METTL13: variants seen among roughly 807,000 people sequenced by gnomAD.
METTL13 encodes the protein methyltransferase 13, eEF1A N-terminus and K55.
Under a neutral mutation model 67.4 loss-of-function variants are expected in METTL13, and 52 were observed. That is an observed-to-expected ratio of 0.77 (90% CI 0.62 to 0.97). The LOEUF (loss-of-function observed/expected upper bound fraction) is 0.97. Ranked by LOEUF, METTL13 falls within the 50% of genes least tolerant of loss-of-function variation. The pLI is 0.00. For missense variants in METTL13, 825 were observed against 889.6 expected (o/e 0.93, Z 0.92); for synonymous variants, 354 against 353.6 (o/e 1.00, Z -0.01).
chr1:171,793,452 G>A (rs1167778363), intron 6 of METTL13, among the ~76,000 whole-genome samples: 1 of 152,162 alleles, frequency 6.6e-6, no homozygotes, highest in Non-Finnish European at 1.5e-5. Context: ...ATTACTGGAG[G>A]GCTCAAGGCT....
intron 2 of METTL13, among the ~76,000 whole-genome samples, chr1:171,785,026 C>T (rs1656965185): frequency 6.6e-6 from 1 of 152,202 alleles, no homozygotes; most frequent in Non-Finnish European, 1.5e-5. Context: ...AGTTTTGGCT[C>T]AGTCATTTCC....
chr1:171,786,677 A>G (rs999228514), intron 3 of METTL13, among the ~76,000 whole-genome samples: 21 of 151,874 alleles, frequency 1.4e-4, no homozygotes, highest in Non-Finnish European at 4.4e-5. Context: ...CTTTTTTGAG[A>G]TAGGGTCTTG....
At position 171,787,811 on chromosome 1, in the gene METTL13, A is replaced by C. The variant is rs1025726967; in HGVS notation, c.1190A>C (p.Asp397Ala). The change falls in exon 4 of 8, where the codon GAC (aspartate) becomes GCC (alanine). Residue 397 changes from aspartate (D) to alanine (A), a missense_variant. Asp to Ala is a moderately radical substitution (Grantham distance 126). Coordinates refer to ENST00000361735, the MANE Select transcript of METTL13 (RefSeq NM_015935.5). ...QHQDCSPLSG[D>A]YVIEDVQGDD... Reference sequence around the variant, plus strand: ...CAAGACTGCAGCCCCTTGAGCGGTGACTATGTCATTGAGGATGTGCAAGGG... The same window carrying C: ...CAAGACTGCAGCCCCTTGAGCGGTGCCTATGTCATTGAGGATGTGCAAGGG... 1 of 1,614,122 alleles carries C rather than the reference A, an allele frequency of 6.2e-7. No homozygotes were observed. The highest frequency in any genetic ancestry group is 8.5e-7 in the Non-Finnish European group (1 of 1,180,018).
At position 171,786,092 on chromosome 1, in the gene METTL13, C is replaced by T. The variant is rs200837288; in HGVS notation, c.1113+14C>T. 201 of 1,606,866 alleles carry T rather than the reference C, an allele frequency of 1.3e-4. No individual in the cohort carries two copies. In the African/African-American group the frequency reaches 1.3e-3, roughly 10 times the overall value. ...ACCCAGCAGCAGGTAACAAAGCTTT[C>T]GTACGGCTTTCATGGGTCTCTGAAG... On this transcript the variant is annotated intron_variant, in intron 3 of 7. Transcript: ENST00000361735.
rs78779259 is a variant in METTL13 at position 171,790,487 on chromosome 1, C to G, written c.1345C>G (p.Arg449Gly). The G allele has an allele frequency of 4.3e-5, 69 of 1,607,576 alleles. No individual in the cohort carries two copies. Among genetic ancestry groups the G allele is most frequent in the Non-Finnish European group, 5.5e-5 (65 of 1,177,882 alleles). The change falls in exon 5 of 8, where the codon CGG becomes GGG. Residue 449 changes from arginine (R) to glycine (G), a missense_variant. Arg to Gly is a moderately radical substitution (Grantham distance 125). Transcript: ENST00000361735. ...KKRKKDRKKQ[R>G]PADAEDLPAA... ...GCGGAAAAAGGACAGGAAGAAGCAG[C>G]GGCCTGCTGATGCGGAGGACCTCCC...
intron 4 of METTL13, among the ~76,000 whole-genome samples, chr1:171,789,725 A>AC (rs1000436076): frequency 6.6e-6 from 1 of 151,984 alleles, no homozygotes; most frequent in African/African-American, 2.4e-5. Flanking sequence ...GACGGGAGGT[A>AC]CCAGGGCTCC....
chr1:171,793,158 T>G (rs1051316646), intron 6 of METTL13, among the ~76,000 whole-genome samples: 4 of 152,174 alleles, frequency 2.6e-5, no homozygotes, highest in African/African-American at 9.7e-5. Flanking sequence ...GATTAGAATA[T>G]TTTCCAGTAA....
At position 171,792,221 on chromosome 1, in the gene METTL13, CAGG is replaced by C. The variant is rs753412360; in HGVS notation, c.1688_1690del (p.Gly563del). 49 of 1,614,146 alleles carry C rather than the reference CAGG, an allele frequency of 3.0e-5. No individual in the cohort carries two copies. Among genetic ancestry groups the C allele is most frequent in the Non-Finnish European group, 3.8e-5 (45 of 1,180,014 alleles). On this transcript the variant is annotated inframe_deletion, in exon 6 of 8. Coordinates refer to ENST00000361735, the MANE Select transcript of METTL13 (RefSeq NM_015935.5). ...GGCCTGGACTATATCGCCAGCTTGG[CAGG>C]AGGAGGAGAAGGTACTGCTCTTGGA...
chr1:171,787,626 T>A, intron 3 of METTL13, 109 bp from the exon 4 acceptor site: 1 of 992,480 alleles, frequency 1.0e-6, no homozygotes, highest in Non-Finnish European at 1.5e-6. Context: ...GTAGTTGTTG[T>A]CTAGAACCGT....
intron 5 of METTL13, 31 bp downstream of exon 5, chr1:171,790,647 G>T: frequency 6.8e-7 from 1 of 1,480,828 alleles, no homozygotes; most frequent in Middle Eastern, 1.8e-4. Context: ...TTCCACAGAA[G>T]GGAGCATAAA....
intron 4 of METTL13, among the ~76,000 whole-genome samples, chr1:171,789,707 A>G (rs1657138145): frequency 6.6e-6 from 1 of 152,148 alleles, no homozygotes; most frequent in African/African-American, 2.4e-5. Flanking sequence ...GTGGCCTTAC[A>G]TTTCTTAGAC....
At position 171,796,623 on chromosome 1, in the gene METTL13, C is replaced by A; in HGVS notation, c.1967C>A (p.Pro656His). The change falls in exon 8 of 8, where the codon CCT (proline) becomes CAT (histidine). Residue 656 changes from proline (P) to histidine (H), a missense_variant. Pro to His is a moderately conservative substitution (Grantham distance 77). Coordinates refer to ENST00000361735, the MANE Select transcript of METTL13 (RefSeq NM_015935.5). ...VNEILFCQLH[P>H]EQKLATPELL... is the part of the protein sequence containing the mutation. ...GAGATCCTGTTCTGTCAGCTGCACC[C>A]TGAGCAAAAACTTGCCACACCAGAG... 6.2e-7 allele frequency: 1 copy of A among 1,614,196 alleles called. No homozygotes were observed. Among genetic ancestry groups the A allele is most frequent in the Non-Finnish European group, 8.5e-7 (1 of 1,180,040 alleles).
rs1656943950 is a variant in METTL13 at position 171,784,514 on chromosome 1, C to T, written c.913+15C>T. On this transcript the variant is annotated intron_variant, in intron 2 of 7. Transcript: ENST00000361735. The stretch of plus-strand genomic sequence containing the variant: ...GATTTTCATCAGTGAGTTGGGATTG[C>T]TCCCTCTCTTCCCTGGAGGGGCTGG... 2.7e-6 allele frequency: 4 copies of T among 1,494,478 alleles called. No individual in the cohort carries two copies. Among genetic ancestry groups the T allele is most frequent in the African/African-American group, 2.8e-5 (2 of 71,348 alleles). 92.6% of individuals were successfully genotyped at this position (1,494,478 alleles called of 1,614,324 possible). A position where few individuals can be genotyped will look rare whatever the true frequency, so the allele number is the denominator to read the frequency against.
In METTL13 at chr1:171,794,426, A is replaced by G; in HGVS notation, c.1724A>G (p.Asp575Gly). ...ARPCYDVIMF[D>G]VDSKDPTLGM... ...CCTTGCTACGATGTCATAATGTTTG[A>G]TGTTGACAGTAAGGACCCAACACTG... Residue 575 changes from aspartate (D) to glycine (G), a missense_variant, in exon 7 of 8, where the codon GAT becomes GGT. Physicochemically the swap from Asp to Gly is moderately conservative, Grantham distance 94. Coordinates refer to ENST00000361735, the MANE Select transcript of METTL13 (RefSeq NM_015935.5). 6.2e-7 allele frequency: 1 copy of G among 1,614,184 alleles called. No individual in the cohort carries two copies. Among genetic ancestry groups the G allele is most frequent in the Non-Finnish European group, 8.5e-7 (1 of 1,180,040 alleles).
chr1:171,790,395 A>C, intron 4 of METTL13, 57 bp from the exon 5 acceptor site: 1 of 1,420,922 alleles, frequency 7.0e-7, no homozygotes, highest in Non-Finnish European at 9.3e-7. Flanking sequence ...GCTGCCAGTA[A>C]CCCTTGCTTC....
intron 4 of METTL13, among the ~76,000 whole-genome samples, chr1:171,789,976 T>C (rs1447166754): frequency 6.6e-6 from 1 of 152,094 alleles, no homozygotes; most frequent in Non-Finnish European, 1.5e-5. Context: ...GAAAAGACTT[T>C]TATTTTGGCT....
chr1:171,781,987 G>C lies in METTL13; in HGVS notation c.20G>C (p.Ser7Thr). The C allele has an allele frequency of 6.2e-7, 1 of 1,614,164 alleles. No homozygotes were observed. The highest frequency in any genetic ancestry group is 8.5e-7 in the Non-Finnish European group (1 of 1,180,026). The stretch of plus-strand genomic sequence containing the variant: ...AGGAACATGAACCTCTTACCTAAAA[G>C]TTCCAGGGAGTTTGGCTCCGTTGAC... MNLLPKSSREFGSVDYW... is the reference protein window; with the variant it reads MNLLPKTSREFGSVDYW... Residue 7 changes from serine (S) to threonine (T), a missense_variant, in exon 1 of 8, where the codon AGT (serine) becomes ACT (threonine). By Grantham distance (58) the Ser-to-Thr change is moderately conservative (BLOSUM62 1). Transcript: ENST00000361735.
intron 4 of METTL13, among the ~76,000 whole-genome samples, chr1:171,788,566 CTCT>C (rs1657101690): frequency 6.6e-6 from 1 of 150,442 alleles, no homozygotes; most frequent in Non-Finnish European, 1.5e-5. Context: ...TCTAAACCAT[CTCT>C]TCTAGGATCC....
intron 4 of METTL13, 81 bp from the exon 5 acceptor site, chr1:171,790,371 A>G: frequency 7.3e-7 from 1 of 1,375,530 alleles, no homozygotes; most frequent in Non-Finnish European, 9.5e-7. Context: ...TGTTCAAGCC[A>G]TCTGGAGCAC....
Sources: allele counts gnomAD v4.1 joint callset (sites outside exome capture counted in the v4.1 genomes callset), GRCh38; gene constraint gnomAD v4.1.1; transcripts MANE v1.5; gene names NCBI Gene and HGNC (gene_info 2026-07-23, HGNC 2026-07-21).